Variants in ARHGEF28 observed in about 807,000 individuals in gnomAD.
The protein encoded by ARHGEF28 is Rho guanine nucleotide exchange factor 28.
Under a neutral mutation model 206.6 loss-of-function variants are expected in ARHGEF28, and 152 were observed. The ratio of observed to expected loss-of-function variants is 0.74; its 90% CI spans 0.64 to 0.84. The LOEUF (loss-of-function observed/expected upper bound fraction) is 0.84. Among genes scored for constraint, ARHGEF28 ranks in the 40% least tolerant of loss-of-function variants. The pLI is 0.00. For missense variants in ARHGEF28, 2,028 were observed against 2,073.2 expected (o/e 0.98, Z 0.42); for synonymous variants, 763 against 776.4 (o/e 0.98, Z 0.29).
intron 16 of ARHGEF28, among the ~76,000 whole-genome samples, chr5:73,861,823 CTT>C (rs1759420404): frequency 6.6e-6 from 1 of 150,522 alleles, no homozygotes; most frequent in Admixed American, 6.6e-5. Flanking sequence ...TTACCCACAA[CTT>C]TTTTTAGAAG....
At chr5:73,939,933 T>C (rs1041641704) in intron 35 of ARHGEF28, among the ~76,000 whole-genome samples, 3 of 152,202 alleles carry the variant, frequency 2.0e-5, no homozygotes, top group African/African-American at 7.2e-5. Flanking sequence ...AGTAGGTGTA[T>C]GTGGCCTCTT....
At position 73,780,732 on chromosome 5, in the gene ARHGEF28, A is replaced by T; in HGVS notation, c.897A>T (p.Ala299=). The T allele has an allele frequency of 6.4e-7, 1 of 1,557,792 alleles. No homozygotes were observed. The highest frequency in any genetic ancestry group is 8.7e-7 in the Non-Finnish European group (1 of 1,150,492). ...EERTAMPSSG[A]ETEEEIKNSV... ...GAACAGCTATGCCCTCCAGCGGTGC[A>T]GAAACTGAAGAAGGTACGCATGCTC... is the stretch of plus-strand genomic sequence containing the variant. The change falls in exon 7 of 36, where the codon GCA becomes GCT. Residue 299 remains alanine (A), a synonymous_variant. Coordinates refer to ENST00000513042, the MANE Select transcript of ARHGEF28 (RefSeq NM_001177693.2).
intron 33 of ARHGEF28, among the ~76,000 whole-genome samples, chr5:73,906,375 A>G (rs1477828885): frequency 6.6e-6 from 1 of 152,160 alleles, no homozygotes; most frequent in African/African-American, 2.4e-5. Flanking sequence ...AGGAGCTGAG[A>G]CTATAGGCGT....
chr5:73,673,541 G>GT, intron 1 of ARHGEF28, among the ~76,000 whole-genome samples: 1 of 152,246 alleles, frequency 6.6e-6, no homozygotes, highest in East Asian at 1.9e-4. Flanking sequence ...GCTGAGCTGG[G>GT]TAGGCCTATT....
intron 2 of ARHGEF28, among the ~76,000 whole-genome samples, chr5:73,719,014 C>T (rs937801464): frequency 1.3e-5 from 2 of 152,184 alleles, no homozygotes; most frequent in African/African-American, 4.8e-5. Context: ...AGAAGTGTGT[C>T]ATAATTTATC....
intron 35 of ARHGEF28, among the ~76,000 whole-genome samples, chr5:73,918,143 A>G (rs1454307140): frequency 6.6e-6 from 1 of 152,220 alleles, no homozygotes; most frequent in Non-Finnish European, 1.5e-5. Flanking sequence ...ATGTTTGCCT[A>G]AGAAGAATGT....
At chr5:73,851,278 G>A (rs1220685756) in intron 13 of ARHGEF28, among the ~76,000 whole-genome samples, 1 of 152,130 alleles carries the variant, frequency 6.6e-6, no homozygotes. Context: ...CCAGAGGGAA[G>A]CTCCCATATG....
chr5:73,735,227 A>G (rs976724801), intron 2 of ARHGEF28, among the ~76,000 whole-genome samples: 3 of 151,086 alleles, frequency 2.0e-5, no homozygotes, highest in African/African-American at 7.3e-5. Flanking sequence ...ATTAATTTTT[A>G]TTAATTAAAT....
At chr5:73,735,007 C>T (rs535830416) in intron 2 of ARHGEF28, among the ~76,000 whole-genome samples, 17 of 152,154 alleles carry the variant, frequency 1.1e-4, no homozygotes, top group African/African-American at 4.1e-4. Context: ...AAAATATCCT[C>T]TTCTGTAAAA....
intron 23 of ARHGEF28, among the ~76,000 whole-genome samples, chr5:73,883,204 T>C (rs1025818399): frequency 5.3e-5 from 8 of 152,202 alleles, no homozygotes; most frequent in African/African-American, 1.9e-4. Flanking sequence ...AAGAAATTTG[T>C]CTTATAAAGT....
chr5:73,899,207 G>A (rs1168950133), intron 30 of ARHGEF28: 1 of 152,118 alleles, frequency 6.6e-6, no homozygotes, highest in African/African-American at 2.4e-5. Flanking sequence ...ACTGCCCTGG[G>A]TGATTTCCTT....
chr5:73,870,248 C>T (rs533163508), intron 21 of ARHGEF28, 39 bp downstream of exon 21: 162 of 1,583,056 alleles, frequency 1.0e-4, no homozygotes, highest in South Asian at 3.7e-4. Flanking sequence ...TGAAGCAGTG[C>T]GGTTCAGAGA....
In ARHGEF28 at chr5:73,629,223, G is replaced by T. The variant is rs181220198; in HGVS notation, c.-12+2901G>T. The stretch of plus-strand genomic sequence containing the variant: ...AAGACATTTGGCTGGCCAGGGTGGG[G>T]GTGGTGGCTCATGCACATAACCCCA... On this transcript the variant is annotated intron_variant, in intron 1 of 35. Transcript: ENST00000513042. Among the ~76,000 whole-genome samples the T allele has an allele frequency of 8.2e-3, 1,249 of 152,078 alleles. 10 individuals carry two copies. Among genetic ancestry groups the T allele is most frequent in the Non-Finnish European group, 0.011 (778 of 67,990 alleles).
At chr5:73,770,654 T>C (rs965453932) in intron 4 of ARHGEF28, among the ~76,000 whole-genome samples, 10 of 152,244 alleles carry the variant, frequency 6.6e-5, no homozygotes, top group Non-Finnish European at 1.3e-4. Context: ...GAATTATTTA[T>C]ATATGTCATG....
At chr5:73,714,579 A>G (rs1029257010) in intron 2 of ARHGEF28, among the ~76,000 whole-genome samples, 2 of 152,170 alleles carry the variant, frequency 1.3e-5, no homozygotes, top group African/African-American at 4.8e-5. Flanking sequence ...CACCAATACT[A>G]TGGTATCTAC....
At chr5:73,791,016 T>A (rs2112479393) in intron 7 of ARHGEF28, among the ~76,000 whole-genome samples, 1 of 152,348 alleles carries the variant, frequency 6.6e-6, no homozygotes, top group Admixed American at 6.5e-5. Flanking sequence ...AGCGCCAGTA[T>A]TGGAAGTGTT....
intron 1 of ARHGEF28, among the ~76,000 whole-genome samples, chr5:73,648,756 G>A (rs117621666): frequency 1.1e-3 from 166 of 152,286 alleles, no homozygotes; most frequent in Admixed American, 8.2e-3. Flanking sequence ...AGGGCTAAGA[G>A]GAAGGATAAA....
chr5:73,894,625 T>C, intron 29 of ARHGEF28, 50 bp downstream of exon 29: 1 of 1,580,378 alleles, frequency 6.3e-7, no homozygotes, highest in Non-Finnish European at 8.6e-7. Context: ...AAAATGTTTA[T>C]TGAACACCTG....
chr5:73,818,346 T>G (rs898753525), intron 9 of ARHGEF28, among the ~76,000 whole-genome samples: 2 of 151,234 alleles, frequency 1.3e-5, no homozygotes, highest in Admixed American at 6.6e-5. Flanking sequence ...TAATGATTTT[T>G]AAAGGTGAGA....
Sources: gnomAD v4.1 joint callset for allele counts (sites outside exome capture counted in the v4.1 genomes callset) on GRCh38, gnomAD v4.1.1 for gene constraint, MANE v1.5 for transcripts, NCBI Gene and HGNC (gene_info 2026-07-23, HGNC 2026-07-21) for gene names.